Variants in GPC6 observed in about 807,000 individuals in gnomAD.
GPC6 encodes glypican-6.
In GPC6, 14 loss-of-function variants were observed where a neutral mutation model predicts 55.2. The ratio of observed to expected loss-of-function variants is 0.25; its 90% confidence interval spans 0.17 to 0.40. The LOEUF is 0.40. Ranked by LOEUF, GPC6 falls within the 10% of genes least tolerant of loss-of-function variation. The pLI is 1.00. For missense variants in GPC6, 641 were observed against 708.5 expected (o/e 0.90, Z 1.08); for synonymous variants, 278 against 259.6 (o/e 1.07, Z -0.68).
At chr13:94,241,251 C>T (rs1891044760) in intron 4 of GPC6, among the ~76,000 whole-genome samples, 1 of 152,102 alleles carries the variant, frequency 6.6e-6, no homozygotes, top group Non-Finnish European at 1.5e-5. Context: ...GCCTCTAGAA[C>T]CACAATAAAC....
At chr13:94,202,860 G>T (rs925236333) in intron 4 of GPC6, among the ~76,000 whole-genome samples, 2 of 151,964 alleles carry the variant, frequency 1.3e-5, no homozygotes, top group African/African-American at 4.8e-5. Context: ...AAAAGTGTGA[G>T]GCCCCTTCGA....
chr13:93,635,706 T>A (rs1017367293), intron 2 of GPC6, among the ~76,000 whole-genome samples: 4 of 152,218 alleles, frequency 2.6e-5, no homozygotes, highest in African/African-American at 9.6e-5. Context: ...CCTGGCATGA[T>A]GTGGTGAGAT....
At chr13:94,208,987 ACAT>A (rs1889992031) in intron 4 of GPC6, among the ~76,000 whole-genome samples, 2 of 152,194 alleles carry the variant, frequency 1.3e-5, no homozygotes, top group South Asian at 4.1e-4. Context: ...TATTAAGATA[ACAT>A]CATAATTGAT....
chr13:93,623,625 A>T (rs1283113326), intron 2 of GPC6, among the ~76,000 whole-genome samples: 1 of 151,526 alleles, frequency 6.6e-6, no homozygotes, highest in African/African-American at 2.4e-5. Flanking sequence ...CTTCCAGCTA[A>T]TTTTTTGTAT....
intron 3 of GPC6, among the ~76,000 whole-genome samples, chr13:93,893,964 C>G (rs1293325439): frequency 6.6e-6 from 1 of 152,198 alleles, no homozygotes; most frequent in African/African-American, 2.4e-5. Context: ...CCACATGCAG[C>G]TCATGTAAAT....
intron 1 of GPC6, among the ~76,000 whole-genome samples, chr13:93,383,482 G>C (rs913018599): frequency 6.6e-6 from 1 of 152,196 alleles, no homozygotes; most frequent in Non-Finnish European, 1.5e-5. Flanking sequence ...CTCCTAAAAT[G>C]TTGGGATTAC....
At chr13:94,227,188 A>T (rs1244942660) in intron 4 of GPC6, among the ~76,000 whole-genome samples, 2 of 152,206 alleles carry the variant, frequency 1.3e-5, no homozygotes, top group African/African-American at 2.4e-5. Context: ...TATAATTATA[A>T]TTATAATTGT....
chr13:93,678,818 G>A (rs1280194405), intron 2 of GPC6, among the ~76,000 whole-genome samples: 1 of 152,002 alleles, frequency 6.6e-6, no homozygotes, highest in Non-Finnish European at 1.5e-5. Context: ...TGTAACTGCT[G>A]AACATGTCAG....
chr13:94,347,434 T>C (rs1239643658), intron 6 of GPC6, among the ~76,000 whole-genome samples: 1 of 152,232 alleles, frequency 6.6e-6, no homozygotes, highest in Non-Finnish European at 1.5e-5. Context: ...TGGAGTATGA[T>C]ATACTTGACA....
intron 2 of GPC6, among the ~76,000 whole-genome samples, chr13:93,609,915 T>C (rs949154830): frequency 1.3e-5 from 2 of 152,048 alleles, no homozygotes; most frequent in African/African-American, 4.8e-5. Flanking sequence ...ACTTTTGGAG[T>C]CTGGTTTTCC....
chr13:93,254,719 A>G (rs1876896630), intron 1 of GPC6, among the ~76,000 whole-genome samples: 1 of 152,160 alleles, frequency 6.6e-6, no homozygotes, highest in South Asian at 2.1e-4. Flanking sequence ...AAAAAAAAAT[A>G]GAGAGAGTGA....
At chr13:94,102,717 ATG>A (rs1449552811) in intron 4 of GPC6, among the ~76,000 whole-genome samples, 3 of 152,154 alleles carry the variant, frequency 2.0e-5, no homozygotes, top group African/African-American at 7.2e-5. Context: ...GTATAACACT[ATG>A]TATTTCAGGT....
At chr13:94,386,684 T>C (rs931459245) in intron 7 of GPC6, among the ~76,000 whole-genome samples, 10 of 152,212 alleles carry the variant, frequency 6.6e-5, no homozygotes, top group African/African-American at 2.4e-4. Context: ...TTAGAACTGA[T>C]AGAGATTGTC....
chr13:94,338,658 A>G (rs1877853550), intron 6 of GPC6, among the ~76,000 whole-genome samples: 1 of 152,184 alleles, frequency 6.6e-6, no homozygotes, highest in African/African-American at 2.4e-5. Flanking sequence ...ATGAATGAAT[A>G]TATTCATTCA....
At chr13:93,640,787 C>T (rs1594334521) in intron 2 of GPC6, among the ~76,000 whole-genome samples, 7 of 77,622 alleles carry the variant, frequency 9.0e-5, no homozygotes, top group African/African-American at 4.0e-4. Flanking sequence ...TTCCCTCCCT[C>T]CCTTCCTCCT....
At chr13:94,163,140 G>T (rs2138916400) in intron 4 of GPC6, among the ~76,000 whole-genome samples, 1 of 152,244 alleles carries the variant, frequency 6.6e-6, no homozygotes, top group Middle Eastern at 3.4e-3. Flanking sequence ...TATTGTGCCA[G>T]TATTGATGGG....
intron 2 of GPC6, among the ~76,000 whole-genome samples, chr13:93,665,584 G>T (rs908351674): frequency 1.4e-4 from 21 of 152,280 alleles, no homozygotes; most frequent in African/African-American, 4.8e-4. Flanking sequence ...GAGACAGAAA[G>T]AGTTAAGATA....
intron 1 of GPC6, among the ~76,000 whole-genome samples, chr13:93,424,812 C>G (rs1412425651): frequency 1.3e-5 from 2 of 152,020 alleles, no homozygotes; most frequent in South Asian, 4.2e-4. Context: ...GTTAAGAAGC[C>G]TTGACTTCTG....
At chr13:93,660,617 T>G (rs137946482) in intron 2 of GPC6, among the ~76,000 whole-genome samples, 86 of 152,350 alleles carry the variant, frequency 5.6e-4, no homozygotes, top group African/African-American at 1.9e-3. Flanking sequence ...CATTTTGTAG[T>G]CTTTGCATAC....
Sources: allele counts gnomAD v4.1 joint callset (sites outside exome capture counted in the v4.1 genomes callset), GRCh38; gene constraint gnomAD v4.1.1; transcripts MANE v1.5; gene names NCBI Gene and HGNC (gene_info 2026-07-23, HGNC 2026-07-21).